Variants in GALNT16 observed in about 807,000 individuals in gnomAD.
The protein encoded by GALNT16 is polypeptide N-acetylgalactosaminyltransferase 16.
A neutral mutation model predicts 76.1 loss-of-function variants in GALNT16; 40 were observed. That is an observed-to-expected ratio of 0.53 (90% CI 0.41 to 0.68). The LOEUF is 0.68. GALNT16 is among the 30% of genes least tolerant of loss of function. GALNT16 has a pLI of 0.00. For missense variants in GALNT16, 621 were observed against 731.9 expected (o/e 0.85, Z 1.75); for synonymous variants, 276 against 285.2 (o/e 0.97, Z 0.32).
chr14:69,351,968 A>G (rs1029624190), intron 14 of GALNT16, 63 bp from the exon 15 acceptor site: 17 of 1,476,140 alleles, frequency 1.2e-5, no homozygotes, highest in Non-Finnish European at 1.4e-5. Context: ...ATGAAAGTAC[A>G]ACATTATTTT....
chr14:69,374,861 A>C, the GALNT16 span, among the ~76,000 whole-genome samples: 18,629 of 152,238 alleles, frequency 0.12, 1,361 homozygotes, highest in Middle Eastern at 0.24. Context: ...GCAGAAAGCA[A>C]GAAAGAGAGC....
intron 1 of GALNT16, among the ~76,000 whole-genome samples, chr14:69,320,256 A>G (rs2045158162): frequency 6.6e-6 from 1 of 152,192 alleles, no homozygotes; most frequent in Non-Finnish European, 1.5e-5. Context: ...GCACTTTGGG[A>G]GGCTGAGGTG....
At chr14:69,314,154 A>C (rs779158933) in intron 1 of GALNT16, among the ~76,000 whole-genome samples, 4 of 152,264 alleles carry the variant, frequency 2.6e-5, no homozygotes, top group Non-Finnish European at 5.9e-5. Context: ...GTTGAGAACT[A>C]CTGACAAAAA....
At chr14:69,274,790 T>C (rs2044450508) in intron 1 of GALNT16, among the ~76,000 whole-genome samples, 1 of 152,184 alleles carries the variant, frequency 6.6e-6, no homozygotes, top group Non-Finnish European at 1.5e-5. Context: ...AAGCACTTTT[T>C]GACTGTCCAG....
chr14:69,365,160 G>A, the GALNT16 span, among the ~76,000 whole-genome samples: 1 of 152,184 alleles, frequency 6.6e-6, no homozygotes, highest in East Asian at 1.9e-4. Flanking sequence ...CAAGTCTACT[G>A]ACTTGTCCCT....
At position 69,347,914 on chromosome 14, in the gene GALNT16, G is replaced by A; in HGVS notation, c.1451G>A (p.Gly484Glu). ...LFSDHLIQQQ[G>E]KCLAATSTLM... is the part of the protein sequence containing the mutation. ...AGTGACCACCTCATCCAGCAGCAGG[G>A]GAAGTGCCTGGCTGCCACCTCCACC... The change falls in exon 14 of 15, where the codon GGG becomes GAG. Residue 484 changes from glycine (G) to glutamate (E), a missense_variant. By Grantham distance (98) the Gly-to-Glu change is moderately conservative. Coordinates refer to ENST00000448469, the MANE Select transcript of GALNT16 (RefSeq NM_001168368.2). 1.2e-6 allele frequency: 2 copies of A among 1,614,006 alleles called. No homozygotes were observed. Among genetic ancestry groups the A allele is most frequent in the Middle Eastern group, 1.6e-4 (1 of 6,062 alleles).
chr14:69,280,775 A>G (rs2044530286), intron 1 of GALNT16, among the ~76,000 whole-genome samples: 1 of 152,084 alleles, frequency 6.6e-6, no homozygotes, highest in South Asian at 2.1e-4. Flanking sequence ...GATTGGGGGA[A>G]CATCCAGATT....
chr14:69,350,463 T>G (rs539324445), intron 14 of GALNT16: 5 of 152,236 alleles, frequency 3.3e-5, no homozygotes, highest in African/African-American at 1.2e-4. Context: ...CTACATGAGG[T>G]AAATGTCAAG....
At chr14:69,340,275 C>G (rs950711461) in intron 11 of GALNT16, among the ~76,000 whole-genome samples, 4 of 152,090 alleles carry the variant, frequency 2.6e-5, no homozygotes, top group African/African-American at 9.7e-5. Context: ...CAGGACCCCC[C>G]ACGGATACCA....
intron 7 of GALNT16, 91 bp downstream of exon 7, chr14:69,331,642 G>A: frequency 3.8e-6 from 3 of 780,376 alleles, no homozygotes; most frequent in Non-Finnish European, 6.9e-6. Context: ...GCTCTTTCCA[G>A]CTGTGCCAGA....
downstream of GALNT16, among the ~76,000 whole-genome samples, chr14:69,361,832 C>G (rs2045726193): frequency 6.6e-6 from 1 of 152,148 alleles, no homozygotes; most frequent in Non-Finnish European, 1.5e-5. Flanking sequence ...GATGGCGAAA[C>G]TCCGTCTCTA....
chr14:69,280,794 GAGGGCAACTCC>G (rs1394223604), intron 1 of GALNT16, among the ~76,000 whole-genome samples: 1 of 152,040 alleles, frequency 6.6e-6, no homozygotes, highest in Non-Finnish European at 1.5e-5. Context: ...TTCGAATCCA[GAGGGCAACTCC>G]AGGGCCCAAA....
intron 1 of GALNT16, among the ~76,000 whole-genome samples, chr14:69,317,701 T>A (rs1185771067): frequency 6.6e-6 from 1 of 152,218 alleles, no homozygotes; most frequent in Non-Finnish European, 1.5e-5. Flanking sequence ...TGGGTGGAAC[T>A]GCTCATCTCG....
intron 14 of GALNT16, chr14:69,349,585 C>T (rs1378253125): frequency 6.6e-6 from 1 of 152,266 alleles, no homozygotes; most frequent in African/African-American, 2.4e-5. Flanking sequence ...AGCTGGGTTT[C>T]CTGTATCCGA....
At chr14:69,345,133 G>C (rs2045545151) in intron 12 of GALNT16, among the ~76,000 whole-genome samples, 1 of 152,226 alleles carries the variant, frequency 6.6e-6, no homozygotes, top group East Asian at 1.9e-4. Context: ...CAATTTTTAA[G>C]AGAAGCTAGA....
intron 2 of GALNT16, among the ~76,000 whole-genome samples, chr14:69,324,442 GC>G (rs1217631565): frequency 6.6e-6 from 1 of 152,072 alleles, no homozygotes; most frequent in African/African-American, 2.4e-5. Context: ...CTGGTAAAGA[GC>G]CCCCAGGCCT....
At chr14:69,366,617 T>G in the GALNT16 span, among the ~76,000 whole-genome samples, 3 of 152,212 alleles carry the variant, frequency 2.0e-5, no homozygotes, top group South Asian at 2.1e-4. Context: ...AAGGGTCATG[T>G]GTACTTAATT....
rs186170933 is a variant in GALNT16, at chr14:69,327,342, A to G, written c.569-1108A>G. On this transcript the variant is annotated intron_variant, in intron 5 of 14. Transcript: ENST00000448469. ...CACTGCACTCCAGCCTGGGTGACAGAGCGACACTCAGTTTCGAAAAAAAGA... is the reference window on the plus strand; with the variant it reads ...CACTGCACTCCAGCCTGGGTGACAGGGCGACACTCAGTTTCGAAAAAAAGA... Among the ~76,000 whole-genome samples the G allele has an allele frequency of 8.5e-5, 13 of 152,268 alleles. No homozygotes were observed. In the East Asian group the frequency reaches 2.3e-3, roughly 27 times the overall value.
the GALNT16 span, chr14:69,380,715 T>G: frequency 1.3e-6 from 1 of 796,450 alleles, no homozygotes; most frequent in East Asian, 2.5e-5. Flanking sequence ...AAATTATAAC[T>G]GCCCAATGAT....
Sources: gnomAD v4.1 joint callset for allele counts (sites outside exome capture counted in the v4.1 genomes callset) on GRCh38, gnomAD v4.1.1 for gene constraint, MANE v1.5 for transcripts, NCBI Gene and HGNC (gene_info 2026-07-23, HGNC 2026-07-21) for gene names.